The following ITGBL1 variants were observed in gnomAD, a reference collection of about 807,000 sequenced individuals.
ITGBL1 encodes the protein integrin beta-like protein 1.
In ITGBL1, 51 loss-of-function variants were observed where a neutral mutation model predicts 68.5. That is an observed-to-expected ratio of 0.74 (90% CI 0.59 to 0.94). The LOEUF is 0.94. Ranked by LOEUF, ITGBL1 falls within the 40% of genes least tolerant of loss-of-function variation. The probability of loss-of-function intolerance (pLI) is 0.00; values close to 1 mark genes in which losing one functional copy is unlikely to be tolerated. For synonymous variants in ITGBL1, 209 were observed against 227.3 expected (o/e 0.92, Z 0.72); for missense variants, 649 against 647.4 (o/e 1.00, Z -0.03).
chr13:101,509,862 C>A (rs1351730060), intron 2 of ITGBL1, among the ~76,000 whole-genome samples: 1 of 151,986 alleles, frequency 6.6e-6, no homozygotes, highest in Non-Finnish European at 1.5e-5. Context: ...GAATTCAAAT[C>A]CCCAATGTTT....
chr13:101,691,629 C>T (rs954207347), intron 7 of ITGBL1, among the ~76,000 whole-genome samples: 3 of 152,152 alleles, frequency 2.0e-5, no homozygotes, highest in African/African-American at 7.2e-5. Context: ...GTAGTGATTC[C>T]TCAAACAAAA....
chr13:101,566,383 A>G (rs1030318467), intron 2 of ITGBL1, among the ~76,000 whole-genome samples: 4 of 152,144 alleles, frequency 2.6e-5, no homozygotes, highest in Non-Finnish European at 1.5e-5. Flanking sequence ...AAGACTGACA[A>G]TATTTTGTAG....
intron 7 of ITGBL1, among the ~76,000 whole-genome samples, chr13:101,619,974 A>G (rs2031519588): frequency 6.6e-6 from 1 of 152,134 alleles, no homozygotes; most frequent in South Asian, 2.1e-4. Context: ...AAGTCTTACA[A>G]TTTATTCCAT....
At chr13:101,708,597 T>C (rs1487146844) in intron 9 of ITGBL1, among the ~76,000 whole-genome samples, 1 of 152,192 alleles carries the variant, frequency 6.6e-6, no homozygotes, top group Admixed American at 6.5e-5. Flanking sequence ...ACAGTAGCTT[T>C]TGTTTTGCCT....
At chr13:101,671,437 G>GTTTTTTTTTTTTTTTTT (rs1491455482) in intron 7 of ITGBL1, among the ~76,000 whole-genome samples, 12 of 102,800 alleles carry the variant, frequency 1.2e-4, no homozygotes, top group Non-Finnish European at 1.7e-4. Flanking sequence ...TTTTTTTTTT[G>GTTTTTTTTTTTTTTTTT]TTTTTTTTTG....
intron 7 of ITGBL1, among the ~76,000 whole-genome samples, chr13:101,690,806 C>A (rs1384812331): frequency 3.3e-5 from 5 of 151,506 alleles, no homozygotes; most frequent in Non-Finnish European, 5.9e-5. Context: ...GACATTTTAC[C>A]AAAAAAAATG....
chr13:101,589,760 A>G (rs9518455), intron 6 of ITGBL1, among the ~76,000 whole-genome samples: 1 of 152,146 alleles, frequency 6.6e-6, no homozygotes, highest in South Asian at 2.1e-4. Context: ...ATGCCAAAGT[A>G]AGGACACATA....
At chr13:101,522,001 C>T (rs540806621) in intron 2 of ITGBL1, among the ~76,000 whole-genome samples, 4 of 151,838 alleles carry the variant, frequency 2.6e-5, no homozygotes, top group African/African-American at 9.7e-5. Flanking sequence ...TCTTTATGCT[C>T]ACAGTGGGAG....
At chr13:101,563,997 C>T (rs1214233639) in intron 2 of ITGBL1, among the ~76,000 whole-genome samples, 4 of 151,770 alleles carry the variant, frequency 2.6e-5, no homozygotes, top group Admixed American at 6.6e-5. Flanking sequence ...AAGGCTGGTA[C>T]AACATTAAAA....
chr13:101,659,929 A>G (rs1272508807), intron 7 of ITGBL1, among the ~76,000 whole-genome samples: 1 of 152,130 alleles, frequency 6.6e-6, no homozygotes, highest in East Asian at 1.9e-4. Flanking sequence ...AATTAAGGTA[A>G]TTGACCCTCA....
Position 101,464,436 on chromosome 13 carries a change from A to AT in ITGBL1, c.316+10337dup, listed in dbSNP as rs549283594. 7.2e-5 allele frequency among the ~76,000 whole-genome samples: 11 copies of AT among 152,152 alleles called. No homozygotes were observed. The East Asian group carries it at 1.9e-3, about 27-fold the overall frequency. On this transcript the variant is annotated intron_variant, in intron 2 of 10. Coordinates refer to ENST00000376180, the MANE Select transcript of ITGBL1 (RefSeq NM_004791.3). ...TCAGATATTAAGGACACAGACATAT[A>AT]TGCATGTGTCTGTATGTATATATGT...
intron 7 of ITGBL1, among the ~76,000 whole-genome samples, chr13:101,614,145 A>G (rs2031254173): frequency 6.6e-6 from 1 of 152,148 alleles, no homozygotes; most frequent in Non-Finnish European, 1.5e-5. Context: ...GAATACCGGC[A>G]GCATACAGGA....
chr13:101,509,603 A>G (rs1331716249), intron 2 of ITGBL1, among the ~76,000 whole-genome samples: 2 of 152,112 alleles, frequency 1.3e-5, no homozygotes, highest in Non-Finnish European at 2.9e-5. Context: ...TTATTGGATG[A>G]TAAGGTTTGT....
chr13:101,497,859 AT>A (rs35353527), intron 2 of ITGBL1, among the ~76,000 whole-genome samples: 191 of 147,230 alleles, frequency 1.3e-3, no homozygotes, highest in Middle Eastern at 3.4e-3. Context: ...TAAGCTGATA[AT>A]TTTTTTTTTT....
Position 101,453,957 on chromosome 13 carries a change from CG to C in ITGBL1, c.178del (p.Ala60ProfsTer19). ...CGCTGCCGCGCACCTGGGCAGCCCCCGGGGGCCGCGCTGTGCCACGGCCGGG... is the reference window on the plus strand; with the variant it reads ...CGCTGCCGCGCACCTGGGCAGCCCCCGGGGCCGCGCTGTGCCACGGCCGGG... ...ERRCRAPGQP[P>X]GAALCHGRGR... On this transcript the variant is annotated frameshift_variant, in exon 2 of 11. Transcript: ENST00000376180. LOFTEE classifies it high-confidence loss of function. The C allele has an allele frequency of 4.7e-6, 7 of 1,495,714 alleles. No individual in the cohort carries two copies. Among genetic ancestry groups the C allele is most frequent in the East Asian group, 2.7e-5 (1 of 36,450 alleles). 92.7% of individuals were successfully genotyped at this position (1,495,714 alleles called of 1,614,324 possible). A position where few individuals can be genotyped will look rare whatever the true frequency, so the allele number is the denominator to read the frequency against.
intron 3 of ITGBL1, among the ~76,000 whole-genome samples, chr13:101,570,493 G>T (rs776878206): frequency 6.6e-6 from 1 of 152,054 alleles, no homozygotes; most frequent in Non-Finnish European, 1.5e-5. Context: ...TCCACTGGAG[G>T]GTATTTGCTT....
At chr13:101,522,180 C>T (rs1315370888) in intron 2 of ITGBL1, among the ~76,000 whole-genome samples, 2 of 152,120 alleles carry the variant, frequency 1.3e-5, no homozygotes, top group African/African-American at 4.8e-5. Context: ...GGCCTTGTCT[C>T]TACTTACAGT....
chr13:101,495,019 A>G (rs927463145), intron 2 of ITGBL1, among the ~76,000 whole-genome samples: 2 of 152,150 alleles, frequency 1.3e-5, no homozygotes, highest in African/African-American at 2.4e-5. Flanking sequence ...ATATTTCTCT[A>G]CTTCCCATGA....
chr13:101,483,056 C>T (rs993319189), intron 2 of ITGBL1, among the ~76,000 whole-genome samples: 5 of 152,270 alleles, frequency 3.3e-5, no homozygotes, highest in South Asian at 2.1e-4. Context: ...AATCAACTTA[C>T]GGTTCAAAGG....
Sources: gnomAD v4.1 joint callset for allele counts (sites outside exome capture counted in the v4.1 genomes callset) on GRCh38, gnomAD v4.1.1 for gene constraint, MANE v1.5 for transcripts, NCBI Gene and HGNC (gene_info 2026-07-23, HGNC 2026-07-21) for gene names.